The following SPINK4 variants were observed in gnomAD, a reference collection of about 807,000 sequenced individuals.
SPINK4 encodes the protein serine protease inhibitor Kazal-type 4.
A neutral mutation model predicts 12.3 loss-of-function variants in SPINK4; 10 were observed. That is an observed-to-expected ratio of 0.81 (90% CI 0.50 to 1.37). The LOEUF (loss-of-function observed/expected upper bound fraction) is 1.37. Among genes scored for constraint, SPINK4 ranks in the 40% most tolerant of loss-of-function variants. The probability of loss-of-function intolerance (pLI) is 0.00; values close to 1 mark genes in which losing one functional copy is unlikely to be tolerated. For synonymous variants in SPINK4, 37 were observed against 40.2 expected, an observed-to-expected ratio of 0.92 and a Z score of 0.30; for missense variants, 91 against 109.0, an observed-to-expected ratio of 0.84 and a Z score of 0.73.
chr9:33,248,245 G>A (rs1395980263), intron 3 of SPINK4, 181 bp from the exon 4 acceptor site: 1 of 610,640 alleles, frequency 1.6e-6, no homozygotes, highest in Non-Finnish European at 2.8e-6. Context: ...GGGGAAGGGT[G>A]TACAAAAAAG....
intron 3 of SPINK4, among the ~76,000 whole-genome samples, chr9:33,247,357 G>A (rs893096453): frequency 2.0e-5 from 3 of 149,588 alleles, no homozygotes; most frequent in African/African-American, 7.4e-5. Context: ...AAGTAGACAT[G>A]GGGTTTCACC....
chr9:33,248,476 A>T lies in SPINK4; in HGVS notation c.*5A>T. 1 of 1,614,078 alleles carries T rather than the reference A, an allele frequency of 6.2e-7. No homozygotes were observed. The highest frequency in any genetic ancestry group is 2.2e-5 in the East Asian group (1 of 44,890). ...ATGAAAGATGGCAAATGCTGATCCC[A>T]CAGGAGCACCTCAAGCCATGAAGTG... On this transcript the variant is annotated 3_prime_UTR_variant, in exon 4 of 4. Transcript: ENST00000379721.
intron 1 of SPINK4, among the ~76,000 whole-genome samples, chr9:33,244,758 T>G (rs521476): frequency 0.36 from 54,514 of 152,054 alleles, 12,620 homozygotes; most frequent in African/African-American, 0.66. Context: ...AGCAGTAAGA[T>G]AGGGGTGGAG....
chr9:33,248,206 T>C (rs1587781721), intron 3 of SPINK4: 1 of 561,610 alleles, frequency 1.8e-6, no homozygotes, highest in Non-Finnish European at 3.2e-6. Flanking sequence ...GCGCTGGTGG[T>C]GGAAACCCCA....
At chr9:33,246,832 AC>A (rs1257257481) in intron 3 of SPINK4, 104 bp downstream of exon 3, 1 of 939,350 alleles carries the variant, frequency 1.1e-6, no homozygotes, top group African/African-American at 1.6e-5. Flanking sequence ...TACACGCTTG[AC>A]CTGAGAAGAG....
In SPINK4 at chr9:33,240,724, G is replaced by A. The variant is rs138047894; in HGVS notation, c.61+455G>A. On this transcript the variant is annotated intron_variant, in intron 1 of 3. Transcript: ENST00000379721. Reference sequence around the variant, plus strand: ...AAGGCTGTGGTTTGGGACTTGGGCAGCCATGTGAGCACGACAGAGCCCTTT... The same window carrying A: ...AAGGCTGTGGTTTGGGACTTGGGCAACCATGTGAGCACGACAGAGCCCTTT... Among the ~76,000 whole-genome samples the A allele has an allele frequency of 2.3e-3, 351 of 152,314 alleles. 1 individual carries two copies. The highest frequency in any genetic ancestry group is 4.3e-3 in the Non-Finnish European group (290 of 68,024).
chr9:33,246,504 C>A (rs1399805124), intron 2 of SPINK4, 112 bp from the exon 3 acceptor site: 5 of 784,260 alleles, frequency 6.4e-6, no homozygotes, highest in Non-Finnish European at 1.1e-5. Context: ...ACACTGGGGG[C>A]CTTCTTGACT....
chr9:33,248,436 C>T lies in SPINK4; in HGVS notation c.226C>T (p.Gln76Ter), dbSNP rs904941579. The change falls in exon 4 of 4, where the codon CAG becomes TAG. Residue 76 changes from glutamine (Q) to a stop codon, truncating the protein, a stop_gained. Coordinates refer to ENST00000379721, the MANE Select transcript of SPINK4 (RefSeq NM_014471.3). LOFTEE classifies it high-confidence loss of function. ...CTTCTTTGATCCTAGAAAAACCAAA[C>T]AGGACATCCAGATCATGAAAGATGG... Reference protein sequence around the residue: ...QLCLARIKTKQDIQIMKDGKC With the variant: ...QLCLARIKTK 8 of 1,614,124 alleles carry T rather than the reference C, an allele frequency of 5.0e-6. No individual in the cohort carries two copies. The highest frequency in any genetic ancestry group is 1.6e-4 in the Middle Eastern group (1 of 6,062).
chr9:33,241,683 GTTTGTT>G (rs76824410), intron 1 of SPINK4, among the ~76,000 whole-genome samples: 53,102 of 151,256 alleles, frequency 0.35, 11,862 homozygotes, highest in African/African-American at 0.64. Flanking sequence ...GTTTTTGTTT[GTTTGTT>G]TTTGTTTTTG....
intron 2 of SPINK4, 127 bp downstream of exon 2, chr9:33,245,279 G>C: frequency 1.0e-6 from 1 of 997,912 alleles, no homozygotes; most frequent in Non-Finnish European, 1.4e-6. Flanking sequence ...AGGTGGCCAA[G>C]GTGGCCTCCT....
intron 1 of SPINK4, among the ~76,000 whole-genome samples, chr9:33,240,688 G>A (rs1330233789): frequency 6.6e-6 from 1 of 152,158 alleles, no homozygotes; most frequent in Admixed American, 6.5e-5. Flanking sequence ...CTGAGCTCCC[G>A]ATCTCTCTGA....
At chr9:33,245,426 C>T (rs757746320) in intron 2 of SPINK4, among the ~76,000 whole-genome samples, 3 of 152,206 alleles carry the variant, frequency 2.0e-5, no homozygotes, top group Non-Finnish European at 4.4e-5. Context: ...GAGATCTCCC[C>T]ACCCAGGCTT....
At position 33,246,543 on chromosome 9, in the gene SPINK4, C is replaced by T; in HGVS notation, c.103-73C>T. The T allele has an allele frequency of 2.9e-6, 4 of 1,366,146 alleles. No individual in the cohort carries two copies. The South Asian group carries it at 4.7e-5, about 16-fold the overall frequency. The allele number at this position is 1,366,146 out of a possible 1,614,324, so 84.6% of individuals were successfully genotyped here. ...ATACCTCACTGGGGCCCCACTGGTT[C>T]CGAGCAGAACCCCTGTATCCCTCCC... On this transcript the variant is annotated intron_variant, in intron 2 of 3. Transcript: ENST00000379721.
chr9:33,240,402 C>T (rs1820221225), intron 1 of SPINK4, 133 bp downstream of exon 1: 1 of 727,224 alleles, frequency 1.4e-6, no homozygotes, highest in Non-Finnish European at 2.1e-6. Context: ...CATATGCACC[C>T]TCCACTGTGC....
chr9:33,248,055 T>TG (rs1820303383), intron 3 of SPINK4: 2 of 206,304 alleles, frequency 9.7e-6, no homozygotes, highest in African/African-American at 4.6e-5. Flanking sequence ...ATGGGTGGTT[T>TG]GGGGGTCTGT....
At chr9:33,241,748 T>C (rs507398) in intron 1 of SPINK4, among the ~76,000 whole-genome samples, 57,098 of 152,012 alleles carry the variant, frequency 0.38, 14,316 homozygotes, top group African/African-American at 0.72. Flanking sequence ...GGAGGGGGCA[T>C]TTTGGGTCAA....
chr9:33,241,947 T>G (rs1374285421), intron 1 of SPINK4, among the ~76,000 whole-genome samples: 1 of 152,156 alleles, frequency 6.6e-6, no homozygotes, highest in East Asian at 1.9e-4. Context: ...TGGCACGATC[T>G]TGGCTCACTG....
At chr9:33,242,864 A>C (rs1007273507) in intron 1 of SPINK4, among the ~76,000 whole-genome samples, 16 of 145,028 alleles carry the variant, frequency 1.1e-4, no homozygotes, top group African/African-American at 4.3e-4. Flanking sequence ...CCCCCATCCC[A>C]GTGCTCTGAC....
intron 1 of SPINK4, among the ~76,000 whole-genome samples, chr9:33,243,984 C>G (rs577927789): frequency 5.3e-5 from 8 of 152,276 alleles, no homozygotes; most frequent in African/African-American, 1.9e-4. Context: ...GAACCCAAAC[C>G]TGCTTCCCTG....
Sources: gnomAD v4.1 joint callset for allele counts (sites outside exome capture counted in the v4.1 genomes callset) on GRCh38, gnomAD v4.1.1 for gene constraint, MANE v1.5 for transcripts, NCBI Gene and HGNC (gene_info 2026-07-23, HGNC 2026-07-21) for gene names.